The following PRKD1 variants were observed in gnomAD, a reference collection of about 807,000 sequenced individuals.
The protein encoded by PRKD1 is protein kinase D1, also known as serine/threonine-protein kinase D1.
PRKD1 carries 63 observed loss-of-function variants against 95.9 expected under a neutral mutation model. The ratio of observed to expected loss-of-function variants is 0.66; its 90% CI spans 0.54 to 0.81. The LOEUF (loss-of-function observed/expected upper bound fraction) is 0.81. Ranked by LOEUF, PRKD1 falls within the 30% of genes least tolerant of loss-of-function variation. The pLI is 0.00. For missense variants in PRKD1, 1,048 were observed against 1,165.3 expected (o/e 0.90, Z 1.47); for synonymous variants, 425 against 423.1 (o/e 1.00, Z -0.05).
rs1314108322 is a variant in PRKD1, at chr14:29,609,727, T to TTG, written c.1906-9911_1906-9910insCA. 6.0e-5 allele frequency among the ~76,000 whole-genome samples: 9 copies of TTG among 148,800 alleles called. No homozygotes were observed. In the East Asian group the frequency reaches 7.8e-4, roughly 13 times the overall value. On this transcript the variant is annotated intron_variant, in intron 13 of 17. Coordinates refer to ENST00000331968, the MANE Select transcript of PRKD1 (RefSeq NM_002742.3). Reference sequence around the variant, plus strand: ...AGCTATTTCTTTATTTTTTTTTTTTTTTTGTACTTTTAGTAGAGACAGGGT... The same window carrying TTG: ...AGCTATTTCTTTATTTTTTTTTTTTTTGTTTGTACTTTTAGTAGAGACAGGGT...
chr14:29,843,648 T>C (rs1891960210), intron 1 of PRKD1, among the ~76,000 whole-genome samples: 1 of 152,220 alleles, frequency 6.6e-6, no homozygotes, highest in African/African-American at 2.4e-5. Flanking sequence ...GCATCTATAC[T>C]ATGTGCCAGG....
chr14:29,767,706 T>G (rs1182979630), intron 1 of PRKD1, among the ~76,000 whole-genome samples: 1 of 152,186 alleles, frequency 6.6e-6, no homozygotes, highest in East Asian at 1.9e-4. Context: ...ATAAAGACGA[T>G]TTTAGCAGCA....
At chr14:29,841,210 GACAA>G (rs552851492) in intron 1 of PRKD1, among the ~76,000 whole-genome samples, 301 of 152,304 alleles carry the variant, frequency 2.0e-3, no homozygotes, top group African/African-American at 6.7e-3. Flanking sequence ...CTTGTTTCAT[GACAA>G]TATGCTTGTC....
At chr14:29,749,298 T>C (rs957812801) in intron 1 of PRKD1, among the ~76,000 whole-genome samples, 1 of 151,906 alleles carries the variant, frequency 6.6e-6, no homozygotes, top group African/African-American at 2.4e-5. Flanking sequence ...ATGAAAGAAG[T>C]AGGGAAAAAA....
intron 1 of PRKD1, among the ~76,000 whole-genome samples, chr14:29,900,664 A>G (rs1264660193): frequency 6.6e-6 from 1 of 152,166 alleles, no homozygotes; most frequent in Non-Finnish European, 1.5e-5. Flanking sequence ...CAATTTAAAA[A>G]TGGGCAAAAA....
intron 1 of PRKD1, among the ~76,000 whole-genome samples, chr14:29,765,789 T>A (rs913080345): frequency 6.6e-6 from 1 of 152,232 alleles, no homozygotes; most frequent in Non-Finnish European, 1.5e-5. Flanking sequence ...TACAGTACGA[T>A]TCCTTTTATA....
intron 1 of PRKD1, among the ~76,000 whole-genome samples, chr14:29,755,220 T>G (rs906632867): frequency 3.3e-5 from 5 of 152,182 alleles, no homozygotes; most frequent in African/African-American, 1.2e-4. Flanking sequence ...CTGCAAATAA[T>G]TAGAGGCTTA....
intron 2 of PRKD1, among the ~76,000 whole-genome samples, chr14:29,704,007 C>T (rs1884962089): frequency 1.3e-5 from 2 of 152,150 alleles, no homozygotes; most frequent in South Asian, 4.1e-4. Context: ...TAGGAAAACA[C>T]AGATCTTATA....
intron 1 of PRKD1, among the ~76,000 whole-genome samples, chr14:29,755,981 A>G (rs1228514641): frequency 2.0e-5 from 3 of 152,098 alleles, no homozygotes; most frequent in Non-Finnish European, 4.4e-5. Flanking sequence ...CTTAATTCCC[A>G]TAGCTACTCC....
At chr14:29,745,845 A>G (rs17096028) in intron 1 of PRKD1, among the ~76,000 whole-genome samples, 4,550 of 152,252 alleles carry the variant, frequency 0.03, 158 homozygotes, top group Admixed American at 0.09. Flanking sequence ...TGGAGGGTTC[A>G]GGCTCCTTGT....
intron 1 of PRKD1, among the ~76,000 whole-genome samples, chr14:29,847,862 T>TTC (rs143640198): frequency 7.9e-5 from 12 of 151,056 alleles, no homozygotes; most frequent in South Asian, 4.2e-4. Context: ...TGCATGCGTG[T>TTC]TCTCTCTCTC....
chr14:29,901,408 G>A (rs1436704422), intron 1 of PRKD1, among the ~76,000 whole-genome samples: 1 of 152,142 alleles, frequency 6.6e-6, no homozygotes, highest in Non-Finnish European at 1.5e-5. Context: ...CCTGGGTGAT[G>A]GGATCATCTG....
At chr14:29,883,905 T>C (rs1474218486) in intron 1 of PRKD1, among the ~76,000 whole-genome samples, 2 of 152,206 alleles carry the variant, frequency 1.3e-5, no homozygotes, top group East Asian at 1.9e-4. Flanking sequence ...AGGTGGCTGA[T>C]AAGAGGATTT....
intron 1 of PRKD1, among the ~76,000 whole-genome samples, chr14:29,863,622 T>G (rs186235632): frequency 6.6e-6 from 1 of 152,188 alleles, no homozygotes; most frequent in East Asian, 1.9e-4. Context: ...GATCACAAAG[T>G]GACATATTAT....
chr14:29,915,083 T>C (rs1202403210), intron 1 of PRKD1, among the ~76,000 whole-genome samples: 2 of 152,206 alleles, frequency 1.3e-5, no homozygotes, highest in Non-Finnish European at 2.9e-5. Context: ...AGAATCAGTG[T>C]ACTATTCAAG....
intron 2 of PRKD1, among the ~76,000 whole-genome samples, chr14:29,677,644 C>T (rs1295252504): frequency 2.0e-5 from 3 of 152,174 alleles, no homozygotes; most frequent in Non-Finnish European, 4.4e-5. Context: ...GGCACAATCT[C>T]GGCTCACTGC....
intron 1 of PRKD1, among the ~76,000 whole-genome samples, chr14:29,740,032 G>T (rs1886914983): frequency 6.6e-6 from 1 of 152,132 alleles, no homozygotes; most frequent in South Asian, 2.1e-4. Context: ...AATAATCAAT[G>T]AGAGCCTCAC....
At chr14:29,660,223 A>C (rs931522211) in intron 4 of PRKD1, among the ~76,000 whole-genome samples, 1 of 152,188 alleles carries the variant, frequency 6.6e-6, no homozygotes, top group African/African-American at 2.4e-5. Context: ...CTGTGTATGC[A>C]CATAGTTTCC....
At chr14:29,915,931 A>G (rs1894873691) in intron 1 of PRKD1, among the ~76,000 whole-genome samples, 1 of 152,156 alleles carries the variant, frequency 6.6e-6, no homozygotes, top group Non-Finnish European at 1.5e-5. Context: ...TAGTTTCTTC[A>G]TCCTTAAAAT....
Sources: gnomAD v4.1 joint callset for allele counts (sites outside exome capture counted in the v4.1 genomes callset) on GRCh38, gnomAD v4.1.1 for gene constraint, MANE v1.5 for transcripts, NCBI Gene and HGNC (gene_info 2026-07-23, HGNC 2026-07-21) for gene names.